GLDN: variants seen among roughly 807,000 people sequenced by gnomAD.
The protein encoded by GLDN is gliomedin, also known as collomin.
GLDN carries 47 observed loss-of-function variants against 56.5 expected under a neutral mutation model. That is an observed-to-expected ratio of 0.83 (90% CI 0.66 to 1.06). The LOEUF (loss-of-function observed/expected upper bound fraction) is 1.06, where lower values mean the gene tolerates loss of function less well. Among genes scored for constraint, GLDN ranks in the 50% least tolerant of loss-of-function variants. The pLI, the probability that GLDN is intolerant of heterozygous loss-of-function variation, is 0.00. For missense variants in GLDN, 782 were observed against 714.3 expected (o/e 1.09, Z -1.08); for synonymous variants, 332 against 278.8 (o/e 1.19, Z -1.90).
rs1199365291 is a variant in GLDN, at chr15:51,374,545, T to A, written c.364-2904T>A. On this transcript the variant is annotated intron_variant, in intron 1 of 9. Transcript: ENST00000335449. Reference sequence around the variant, plus strand: ...GTGTGATTTTGAGTAAATGATGGCATCTCTCTAAGCCTCTATTTTCTTATC... The same window carrying A: ...GTGTGATTTTGAGTAAATGATGGCAACTCTCTAAGCCTCTATTTTCTTATC... Among the ~76,000 whole-genome samples the A allele has an allele frequency of 7.2e-5, 11 of 152,278 alleles. No homozygotes were observed. The East Asian group carries it at 2.1e-3, about 29-fold the overall frequency.
chr15:51,350,023 G>A (rs555114408), intron 1 of GLDN, among the ~76,000 whole-genome samples: 9 of 152,260 alleles, frequency 5.9e-5, no homozygotes, highest in East Asian at 1.9e-4. Context: ...GATTACAGGC[G>A]TGAGCCACCG....
intron 2 of GLDN, among the ~76,000 whole-genome samples, chr15:51,378,480 A>C (rs1285132752): frequency 6.6e-6 from 1 of 152,046 alleles, no homozygotes; most frequent in East Asian, 1.9e-4. Flanking sequence ...ATGGAATTAC[A>C]GGCACAAAAG....
At position 51,353,713 on chromosome 15, in the gene GLDN, T is replaced by TAAAAAAAAAA. The variant is rs1566935693; in HGVS notation, c.363+11666_363+11667insAAAAAAAAAA. On this transcript the variant is annotated intron_variant, in intron 1 of 9. Coordinates refer to ENST00000335449, the MANE Select transcript of GLDN (RefSeq NM_181789.4). ...CTATCAGAACAGTCCTCGGATTTGA[T>TAAAAAAAAAA]TAAAAAAAAAAAAAAAAAAAACCAC... Among the ~76,000 whole-genome samples, 6 of 80,516 alleles carry TAAAAAAAAAA rather than the reference T, an allele frequency of 7.5e-5. No individual in the cohort carries two copies. The East Asian group carries it at 3.8e-3, about 51-fold the overall frequency. The allele number at this position is 80,516 out of a possible 152,430, so 52.8% of individuals were successfully genotyped here. A position where few individuals can be genotyped will look rare whatever the true frequency, so the allele number is the denominator to read the frequency against.
intron 1 of GLDN, among the ~76,000 whole-genome samples, chr15:51,371,512 C>A (rs2037515411): frequency 6.6e-6 from 1 of 152,166 alleles, no homozygotes; most frequent in South Asian, 2.1e-4. Context: ...GCCAAGATCC[C>A]CAAGAGTTCT....
chr15:51,365,251 A>C (rs970963112), intron 1 of GLDN, among the ~76,000 whole-genome samples: 2 of 151,598 alleles, frequency 1.3e-5, no homozygotes, highest in African/African-American at 2.4e-5. Context: ...TGTTATTTAA[A>C]TTTTTTTCAT....
At chr15:51,409,649 T>A (rs2038444850), downstream of GLDN, among the ~76,000 whole-genome samples, 1 of 152,182 alleles carries the variant, frequency 6.6e-6, no homozygotes, top group South Asian at 2.1e-4. Flanking sequence ...ACATCCACAA[T>A]TGCAGGATGA....
At chr15:51,355,934 G>A (rs888677406) in intron 1 of GLDN, among the ~76,000 whole-genome samples, 23 of 150,922 alleles carry the variant, frequency 1.5e-4, no homozygotes, top group Non-Finnish European at 2.7e-4. Flanking sequence ...TCAGCCGGGT[G>A]TGGTGGCTCA....
downstream of GLDN, among the ~76,000 whole-genome samples, chr15:51,410,856 A>C (rs191750098): frequency 1.4e-4 from 21 of 152,346 alleles, no homozygotes; most frequent in East Asian, 4.0e-3. Flanking sequence ...CTAACCAGGT[A>C]TGATCCCAGA....
intron 1 of GLDN, among the ~76,000 whole-genome samples, chr15:51,346,665 T>TAAACAA (rs747179397): frequency 2.3e-4 from 35 of 152,066 alleles, no homozygotes; most frequent in Non-Finnish European, 4.4e-4. Context: ...AAATAATAAA[T>TAAACAA]AAACAAATGT....
At chr15:51,347,414 C>T (rs552661769) in intron 1 of GLDN, among the ~76,000 whole-genome samples, 3 of 152,206 alleles carry the variant, frequency 2.0e-5, no homozygotes, top group Admixed American at 6.5e-5. Flanking sequence ...GATTTTTTTG[C>T]GATTTTTTTT....
chr15:51,409,271 C>T (rs1296602788), downstream of GLDN, among the ~76,000 whole-genome samples: 1 of 151,892 alleles, frequency 6.6e-6, no homozygotes, highest in Non-Finnish European at 1.5e-5. Flanking sequence ...GTACCTGTTA[C>T]CTTGACCTAT....
At position 51,377,478 on chromosome 15, in the gene GLDN, C is replaced by T; in HGVS notation, c.393C>T (p.Ser131=). 5 of 1,614,014 alleles carry T rather than the reference C, an allele frequency of 3.1e-6. No individual in the cohort carries two copies. The highest frequency in any genetic ancestry group is 4.2e-6 in the Non-Finnish European group (5 of 1,179,942). ...GAGTGATGGTGGACCTGTGCAACAGCACCAAGGGCATCTGCCTCACAGGTA... is the reference window on the plus strand; with the variant it reads ...GAGTGATGGTGGACCTGTGCAACAGTACCAAGGGCATCTGCCTCACAGGTA... ...PIRVMVDLCN[S]TKGICLTGPS... The change falls in exon 2 of 10, where the codon AGC becomes AGT. Residue 131 remains serine (S), a synonymous_variant. Coordinates refer to ENST00000335449, the MANE Select transcript of GLDN (RefSeq NM_181789.4).
At position 51,341,941 on chromosome 15, in the gene GLDN, C is replaced by G. The variant is rs1271879252; in HGVS notation, c.257C>G (p.Pro86Arg). The G allele has an allele frequency of 6.3e-7, 1 of 1,597,056 alleles. No homozygotes were observed. Among genetic ancestry groups the G allele is most frequent in the Non-Finnish European group, 8.5e-7 (1 of 1,179,302 alleles). ...GGGGCGTCCGCACCACCCCAAGACCCGGCCAGCTCAGCTCGCAACAAGCGC... is the reference window on the plus strand; with the variant it reads ...GGGGCGTCCGCACCACCCCAAGACCGGGCCAGCTCAGCTCGCAACAAGCGC... ...PRGASAPPQD[P>R]ASSARNKRSH... The change falls in exon 1 of 10, where the codon CCG becomes CGG. Residue 86 changes from proline to arginine, a missense_variant. Pro to Arg is a moderately radical substitution (Grantham distance 103). Coordinates refer to ENST00000335449, the MANE Select transcript of GLDN (RefSeq NM_181789.4).
chr15:51,351,465 G>A (rs548948331), intron 1 of GLDN, among the ~76,000 whole-genome samples: 6 of 152,264 alleles, frequency 3.9e-5, no homozygotes, highest in Admixed American at 6.5e-5. Context: ...AGTACCCTGT[G>A]ATCAGCTGAT....
intron 4 of GLDN, 157 bp downstream of exon 4, chr15:51,384,049 T>C: frequency 2.9e-6 from 2 of 700,146 alleles, no homozygotes; most frequent in Non-Finnish European, 5.2e-6. Flanking sequence ...CGTTCCGGGA[T>C]ACCAAGGGTA....
chr15:51,401,691 G>C lies in GLDN; in HGVS notation c.1126G>C (p.Val376Leu). 6.2e-7 allele frequency: 1 copy of C among 1,614,174 alleles called. No homozygotes were observed. The highest frequency in any genetic ancestry group is 2.2e-5 in the East Asian group (1 of 44,884). Residue 376 changes from valine (V) to leucine (L), a missense_variant, in exon 9 of 10, where the codon GTT becomes CTT. Transcript: ENST00000335449. ...PYYFHGCGHV[V>L]YNNSLYYHKG... is the part of the protein sequence containing the mutation. ...CTATTTCCATGGCTGTGGGCACGTT[G>C]TTTACAACAACTCTCTCTACTACCA...
intron 1 of GLDN, among the ~76,000 whole-genome samples, chr15:51,342,783 T>C (rs553272780): frequency 6.6e-6 from 1 of 152,272 alleles, no homozygotes; most frequent in South Asian, 2.1e-4. Context: ...ACTGCAGAAA[T>C]TGCCAAGTGT....
intron 1 of GLDN, among the ~76,000 whole-genome samples, chr15:51,359,544 G>A (rs2037250416): frequency 6.6e-6 from 1 of 152,168 alleles, no homozygotes; most frequent in Non-Finnish European, 1.5e-5. Flanking sequence ...TGGAGTCACA[G>A]GCATTTACTG....
intron 1 of GLDN, among the ~76,000 whole-genome samples, chr15:51,347,654 G>A (rs1043695879): frequency 6.6e-6 from 1 of 152,164 alleles, no homozygotes. Context: ...CCATACAGAA[G>A]GCACTTTGGC....
Sources: allele counts gnomAD v4.1 joint callset (sites outside exome capture counted in the v4.1 genomes callset), GRCh38; gene constraint gnomAD v4.1.1; transcripts MANE v1.5; gene names NCBI Gene and HGNC (gene_info 2026-07-23, HGNC 2026-07-21).